Variants in PTH2R observed in about 807,000 individuals in gnomAD.
PTH2R encodes the protein parathyroid hormone 2 receptor, also known as PTH2 receptor.
A neutral mutation model predicts 60.3 loss-of-function variants in PTH2R; 59 were observed. The observed-to-expected ratio is 0.98, with a 90% confidence interval of 0.79 to 1.22. The LOEUF (loss-of-function observed/expected upper bound fraction) is 1.22, where lower values mean the gene tolerates loss of function less well. Ranked by LOEUF, PTH2R falls within the 50% of genes most tolerant of loss-of-function variation. PTH2R has a pLI of 0.00. For synonymous variants in PTH2R, 256 were observed against 243.8 expected, an observed-to-expected ratio of 1.05 and a Z score of -0.47; for missense variants, 749 against 682.6, an observed-to-expected ratio of 1.10 and a Z score of -1.08.
At chr2:208,360,236 A>G (rs1175320486) in exon 1 of PTH2R, 1 of 447,242 alleles carries the variant, frequency 2.2e-6, no homozygotes, top group Non-Finnish European at 4.5e-6. Flanking sequence ...TTCCTTGAAC[A>G]GGTAAGAAGA....
chr2:208,361,732 A>G (rs927978021), intron 1 of PTH2R, among the ~76,000 whole-genome samples: 1 of 151,096 alleles, frequency 6.6e-6, no homozygotes, highest in Non-Finnish European at 1.5e-5. Flanking sequence ...CTTAAGTTTC[A>G]TTCATGTTGT....
Position 208,493,563 on chromosome 2 carries a change from G to A in PTH2R, c.1557G>A (p.Arg519=), listed in dbSNP as rs1703461574. 4 of 1,613,606 alleles carry A rather than the reference G, an allele frequency of 2.5e-6. No individual in the cohort carries two copies. Among genetic ancestry groups the A allele is most frequent in the Admixed American group, 1.7e-5 (1 of 59,978 alleles). Residue 519 remains arginine, a synonymous_variant, in exon 13 of 13, where the codon AGG becomes AGA. Coordinates refer to ENST00000272847, the MANE Select transcript of PTH2R (RefSeq NM_005048.4). ...AGGAGACCAAGGAAGATAGTGGGAG[G>A]CAGGGAGATGATATTCTAATGGAGA... ...FHEETKEDSG[R]QGDDILMEKP... is the part of the protein sequence containing the mutation.
intron 2 of PTH2R, among the ~76,000 whole-genome samples, chr2:208,431,968 T>C (rs911997559): frequency 6.6e-6 from 1 of 152,234 alleles, no homozygotes; most frequent in Non-Finnish European, 1.5e-5. Context: ...AGGTATCTTG[T>C]ACTAAGAGGA....
intron 1 of PTH2R, among the ~76,000 whole-genome samples, chr2:208,388,184 C>T (rs1194564370): frequency 2.8e-5 from 4 of 144,242 alleles, no homozygotes; most frequent in Non-Finnish European, 4.5e-5. Flanking sequence ...GGCGTGGTGG[C>T]GGTCACCTGT....
intron 1 of PTH2R, among the ~76,000 whole-genome samples, chr2:208,408,619 G>T (rs1236547163): frequency 6.6e-6 from 1 of 151,750 alleles, no homozygotes; most frequent in Admixed American, 6.6e-5. Flanking sequence ...CCAGGAGTTC[G>T]GGGCTGCTCT....
Position 208,428,191 on chromosome 2 carries a change from A to T in PTH2R, c.76-10A>T. The T allele has an allele frequency of 1.3e-6, 2 of 1,591,908 alleles. No individual in the cohort carries two copies. The highest frequency in any genetic ancestry group is 1.7e-6 in the Non-Finnish European group (2 of 1,162,770). On this transcript the variant is annotated splice_polypyrimidine_tract_variant and intron_variant, in intron 1 of 12. Coordinates refer to ENST00000272847, the MANE Select transcript of PTH2R (RefSeq NM_005048.4). ...TGATGAAAATGTTTGTATTTTGTTC[A>T]CTTCTACAGCTGGATTCTGATGGCA...
At chr2:208,483,011 C>A (rs1222947358) in intron 10 of PTH2R, among the ~76,000 whole-genome samples, 3 of 152,206 alleles carry the variant, frequency 2.0e-5, no homozygotes, top group Non-Finnish European at 4.4e-5. Flanking sequence ...CATAATCCTG[C>A]ATGCAACTTT....
chr2:208,478,299 A>G (rs756948808), intron 9 of PTH2R, among the ~76,000 whole-genome samples: 4 of 151,974 alleles, frequency 2.6e-5, no homozygotes, highest in Non-Finnish European at 4.4e-5. Flanking sequence ...GTTCTCTTAC[A>G]GTTCTGGAAG....
At chr2:208,490,785 G>C in intron 12 of PTH2R, 105 bp downstream of exon 12, 1 of 1,077,408 alleles carries the variant, frequency 9.3e-7, no homozygotes, top group Non-Finnish European at 1.3e-6. Context: ...GGATGGAATG[G>C]GTGAGGAGAA....
At chr2:208,405,028 G>C (rs931224032), upstream of PTH2R, among the ~76,000 whole-genome samples, 1 of 152,180 alleles carries the variant, frequency 6.6e-6, no homozygotes, top group Non-Finnish European at 1.5e-5. Flanking sequence ...TCTTCTATCA[G>C]AGCAGCCTTA....
chr2:208,432,794 A>C (rs1701999277), intron 2 of PTH2R, among the ~76,000 whole-genome samples: 1 of 152,190 alleles, frequency 6.6e-6, no homozygotes, highest in South Asian at 2.1e-4. Context: ...GGATAAATGG[A>C]TGGAAGCATC....
intron 1 of PTH2R, among the ~76,000 whole-genome samples, chr2:208,389,057 G>T (rs1701058686): frequency 1.3e-5 from 2 of 152,146 alleles, no homozygotes; most frequent in African/African-American, 4.8e-5. Flanking sequence ...AAATAAGAGG[G>T]TGTTCATATT....
At chr2:208,447,161 G>A (rs1702302757) in intron 7 of PTH2R, among the ~76,000 whole-genome samples, 1 of 152,072 alleles carries the variant, frequency 6.6e-6, no homozygotes, top group African/African-American at 2.4e-5. Context: ...TGTTAGAGAT[G>A]TGGTCTTATT....
chr2:208,439,878 C>T (rs1171265922), intron 4 of PTH2R, among the ~76,000 whole-genome samples: 1 of 152,010 alleles, frequency 6.6e-6, no homozygotes, highest in Non-Finnish European at 1.5e-5. Context: ...CTTCTAAAAT[C>T]AAGCATAAGG....
At chr2:208,472,856 A>AT (rs1373125046) in intron 9 of PTH2R, among the ~76,000 whole-genome samples, 1 of 150,280 alleles carries the variant, frequency 6.7e-6, no homozygotes, top group Non-Finnish European at 1.5e-5. Context: ...TTAAGTAGGT[A>AT]TTTTTATTAT....
chr2:208,478,084 C>T (rs1703060074), intron 9 of PTH2R, among the ~76,000 whole-genome samples: 1 of 151,734 alleles, frequency 6.6e-6, no homozygotes, highest in African/African-American at 2.4e-5. Flanking sequence ...TGTCACCTTC[C>T]CATTTGCAGA....
intron 9 of PTH2R, among the ~76,000 whole-genome samples, chr2:208,477,907 G>C (rs1385912368): frequency 4.1e-5 from 6 of 147,350 alleles, no homozygotes; most frequent in Non-Finnish European, 9.0e-5. Context: ...ACTACTACTA[G>C]TACTAGCACT....
chr2:208,386,775 A>C (rs1701010681), intron 1 of PTH2R, among the ~76,000 whole-genome samples: 2 of 152,168 alleles, frequency 1.3e-5, no homozygotes, highest in Admixed American at 6.5e-5. Context: ...GGAAGGGAGG[A>C]AGTGCCTAAG....
chr2:208,463,925 C>A (rs1559227789), intron 9 of PTH2R, among the ~76,000 whole-genome samples: 1 of 152,176 alleles, frequency 6.6e-6, no homozygotes, highest in Non-Finnish European at 1.5e-5. Context: ...ACAGAATGTC[C>A]ACTCTCCTTG....
Sources: allele counts gnomAD v4.1 joint callset (sites outside exome capture counted in the v4.1 genomes callset), GRCh38; gene constraint gnomAD v4.1.1; transcripts MANE v1.5; gene names NCBI Gene and HGNC (gene_info 2026-07-23, HGNC 2026-07-21).